The following DOCK8 variants were observed in gnomAD, a reference collection of about 807,000 sequenced individuals.
The protein encoded by DOCK8 is dedicator of cytokinesis protein 8.
A neutral mutation model predicts 245.6 loss-of-function variants in DOCK8; 141 were observed. The ratio of observed to expected loss-of-function variants is 0.57; its 90% CI spans 0.50 to 0.66. The LOEUF (loss-of-function observed/expected upper bound fraction) is 0.66. DOCK8 is among the 30% of genes least tolerant of loss of function. DOCK8 has a pLI of 0.00. For synonymous variants in DOCK8, 1,168 were observed against 970.2 expected, an observed-to-expected ratio of 1.20 and a Z score of -3.79; for missense variants, 2,965 against 2,603.4, an observed-to-expected ratio of 1.14 and a Z score of -3.02.
At chr9:273,767 A>C (rs892392082) in intron 2 of DOCK8, among the ~76,000 whole-genome samples, 1 of 149,216 alleles carries the variant, frequency 6.7e-6, no homozygotes, top group South Asian at 2.1e-4. Context: ...GGCTCATCGC[A>C]ACCTCTGCCT....
chr9:428,622 T>A, intron 35 of DOCK8, 126 bp downstream of exon 35: 1 of 1,213,802 alleles, frequency 8.2e-7, no homozygotes, highest in Non-Finnish European at 1.2e-6. Flanking sequence ...GTAAAGGTCT[T>A]AAGTCTTCCT....
intron 25 of DOCK8, among the ~76,000 whole-genome samples, chr9:397,816 G>A (rs1460687727): frequency 6.6e-6 from 1 of 152,158 alleles, no homozygotes; most frequent in Non-Finnish European, 1.5e-5. Flanking sequence ...ATGTTTTTAT[G>A]TTCATAGAAT....
At chr9:301,533 C>A (rs1373639339) in intron 4 of DOCK8, among the ~76,000 whole-genome samples, 9 of 152,166 alleles carry the variant, frequency 5.9e-5, no homozygotes, top group Non-Finnish European at 1.3e-4. Flanking sequence ...GACATCCCAA[C>A]AGGAAGAGAG....
intron 36 of DOCK8, among the ~76,000 whole-genome samples, chr9:430,377 AAAT>A (rs1388439327): frequency 6.6e-6 from 1 of 151,952 alleles, no homozygotes; most frequent in African/African-American, 2.4e-5. Context: ...TCATTTCAAA[AAAT>A]AATAATAATA....
intron 33 of DOCK8, among the ~76,000 whole-genome samples, chr9:425,510 G>C (rs1169254879): frequency 6.9e-6 from 1 of 145,856 alleles, no homozygotes; most frequent in Non-Finnish European, 1.5e-5. Flanking sequence ...CTGCACTCCA[G>C]CCTGGGCGAC....
rs760091759 is a variant in DOCK8, at chr9:452,133, G to T, written c.6068+16G>T. ...TCATCATGAGGTAAGAAGGAAAATG[G>T]CTGGGAATTTCAGTAGAGCAGTGGT... On this transcript the variant is annotated intron_variant, in intron 46 of 47. Coordinates refer to ENST00000432829, the MANE Select transcript of DOCK8 (RefSeq NM_203447.4). 1.9e-6 allele frequency: 3 copies of T among 1,554,508 alleles called. No homozygotes were observed. The South Asian group carries it at 3.4e-5, about 17-fold the overall frequency.
intron 4 of DOCK8, among the ~76,000 whole-genome samples, chr9:293,579 T>C (rs1386655255): frequency 2.6e-5 from 4 of 152,216 alleles, no homozygotes; most frequent in African/African-American, 9.6e-5. Context: ...CAGGGACTCG[T>C]GGGCAGGAAG....
chr9:339,103 T>C lies in DOCK8; in HGVS notation c.1516+4T>C, dbSNP rs931900125. The C allele has an allele frequency of 5.6e-6, 9 of 1,612,834 alleles. No individual in the cohort carries two copies. In the Admixed American group the frequency reaches 1.3e-4, roughly 24 times the overall value. ...AGACGAGTCAAGTCAATTCCAGGTG[T>C]GAATGACTTATCTTTATCCTCTTTA... On this transcript the variant is annotated splice_donor_region_variant and intron_variant, in intron 13 of 47. Coordinates refer to ENST00000432829, the MANE Select transcript of DOCK8 (RefSeq NM_203447.4).
intron 26 of DOCK8, among the ~76,000 whole-genome samples, chr9:404,444 A>G (rs2055318731): frequency 6.6e-6 from 1 of 152,158 alleles, no homozygotes; most frequent in South Asian, 2.1e-4. Context: ...AACTGGTTCT[A>G]CAACTTTCCA....
intron 14 of DOCK8, among the ~76,000 whole-genome samples, chr9:361,713 T>C (rs2052739979): frequency 6.6e-6 from 1 of 152,218 alleles, no homozygotes; most frequent in Non-Finnish European, 1.5e-5. Flanking sequence ...TTTCCTCCTT[T>C]TTTAAAAAAG....
chr9:270,587 G>A (rs1328825766), intron 1 of DOCK8, among the ~76,000 whole-genome samples: 1 of 152,200 alleles, frequency 6.6e-6, no homozygotes, highest in East Asian at 1.9e-4. Context: ...ATGCTGGGTA[G>A]TTAATAAGTA....
rs761796445 is a variant in DOCK8 at position 336,688 on chromosome 9, C to G, written c.1392C>G (p.Ser464=). 9 of 1,613,922 alleles carry G rather than the reference C, an allele frequency of 5.6e-6. No individual in the cohort carries two copies. The African/African-American group carries it at 1.2e-4, about 22-fold the overall frequency. The change falls in exon 12 of 48, where the codon TCC becomes TCG. Residue 464 remains serine (S), a synonymous_variant. Coordinates refer to ENST00000432829, the MANE Select transcript of DOCK8 (RefSeq NM_203447.4). ...ENGVGSNFKT[S]TLSVSSFFKQ... The stretch of plus-strand genomic sequence containing the variant: ...GGGTTGGATCCAACTTCAAAACCTC[C>G]ACTCTGAGCGTTAGCAGCTTTTTCA...
In DOCK8 at chr9:406,488, CAAAAA is replaced by C. The variant is rs202229906; in HGVS notation, c.3391-424_3391-420del. Among the ~76,000 whole-genome samples, 6 of 95,266 alleles carry C rather than the reference CAAAAA, an allele frequency of 6.3e-5. No individual in the cohort carries two copies. In the East Asian group the frequency reaches 1.4e-3, roughly 23 times the overall value. The allele number at this position is 95,266 out of a possible 152,430, so 62.5% of individuals were successfully genotyped here. On this transcript the variant is annotated intron_variant, in intron 27 of 47. Coordinates refer to ENST00000432829, the MANE Select transcript of DOCK8 (RefSeq NM_203447.4). The stretch of plus-strand genomic sequence containing the variant: ...GGTAACAGAGTGACACTCTGTCTTT[CAAAAA>C]AAAAAAAAAAAAAAAAAGAAGGTAC...
chr9:421,636 C>G (rs1238351069), intron 32 of DOCK8, among the ~76,000 whole-genome samples: 2 of 152,150 alleles, frequency 1.3e-5, no homozygotes, highest in Non-Finnish European at 2.9e-5. Context: ...TCACCATGCT[C>G]AAAGTAAAAC....
chr9:408,603 A>T (rs545695504), intron 28 of DOCK8, among the ~76,000 whole-genome samples: 1 of 152,338 alleles, frequency 6.6e-6, no homozygotes, highest in African/African-American at 2.4e-5. Context: ...CACAAAGAAA[A>T]TTGCCTTCAT....
chr9:234,598 T>G (rs1051202368), intron 1 of DOCK8, among the ~76,000 whole-genome samples: 1 of 152,162 alleles, frequency 6.6e-6, no homozygotes, highest in Non-Finnish European at 1.5e-5. Context: ...GTTTGTTGCT[T>G]TTTATTCTTT....
At chr9:345,307 T>C (rs935292577) in intron 14 of DOCK8, among the ~76,000 whole-genome samples, 2 of 152,184 alleles carry the variant, frequency 1.3e-5, no homozygotes, top group Admixed American at 6.5e-5. Context: ...ATTTGAAATA[T>C]GGCTTGGCTT....
chr9:439,975 A>G (rs1393074735), intron 40 of DOCK8, among the ~76,000 whole-genome samples: 1 of 152,166 alleles, frequency 6.6e-6, no homozygotes, highest in Non-Finnish European at 1.5e-5. Context: ...ATATAGAGAG[A>G]TGAAGTCATT....
At chr9:406,717 C>T (rs1237495404) in intron 27 of DOCK8, among the ~76,000 whole-genome samples, 1 of 152,062 alleles carries the variant, frequency 6.6e-6, no homozygotes, top group East Asian at 1.9e-4. Flanking sequence ...TTTCATCTTT[C>T]CCGCTGGGCA....
Sources: gnomAD v4.1 joint callset for allele counts (sites outside exome capture counted in the v4.1 genomes callset) on GRCh38, gnomAD v4.1.1 for gene constraint, MANE v1.5 for transcripts, NCBI Gene and HGNC (gene_info 2026-07-23, HGNC 2026-07-21) for gene names.